EYS: variants seen among roughly 807,000 people sequenced by gnomAD.
EYS encodes protein eyes shut homolog.
Under a neutral mutation model 282.1 loss-of-function variants are expected in EYS, and 250 were observed. The observed-to-expected ratio is 0.89, with a 90% CI of 0.80 to 0.98. The LOEUF is 0.98. Among genes scored for constraint, EYS ranks in the 50% least tolerant of loss-of-function variants. The probability of loss-of-function intolerance (pLI) is 0.00; values close to 1 mark genes in which losing one functional copy is unlikely to be tolerated. For synonymous variants in EYS, 1,355 were observed against 1,282.9 expected, an observed-to-expected ratio of 1.06 and a Z score of -1.20; for missense variants, 4,016 against 3,709.0, an observed-to-expected ratio of 1.08 and a Z score of -2.15.
intron 22 of EYS, among the ~76,000 whole-genome samples, chr6:64,795,873 C>T (rs778896777): frequency 4.6e-5 from 7 of 152,146 alleles, no homozygotes; most frequent in Non-Finnish European, 8.8e-5. Context: ...GTGAGGACCT[C>T]ATCCAGATGT....
At chr6:63,983,381 C>T (rs1283655665) in intron 35 of EYS, among the ~76,000 whole-genome samples, 1 of 151,616 alleles carries the variant, frequency 6.6e-6, no homozygotes, top group Non-Finnish European at 1.5e-5. Context: ...AAATATATCA[C>T]ATTGACTTTA....
chr6:65,673,168 A>G (rs1187398419), intron 1 of EYS, among the ~76,000 whole-genome samples: 1 of 152,046 alleles, frequency 6.6e-6, no homozygotes, highest in Non-Finnish European at 1.5e-5. Context: ...CTTTTATATT[A>G]ATAAGAAAAA....
chr6:64,326,693 G>T (rs1013232270), intron 29 of EYS, among the ~76,000 whole-genome samples: 1 of 152,136 alleles, frequency 6.6e-6, no homozygotes, highest in Non-Finnish European at 1.5e-5. Flanking sequence ...CAGGATGTGG[G>T]AGACTTGGGG....
At chr6:64,994,352 C>A (rs971379674) in intron 14 of EYS, among the ~76,000 whole-genome samples, 1 of 151,922 alleles carries the variant, frequency 6.6e-6, no homozygotes, top group Non-Finnish European at 1.5e-5. Context: ...CATCATGATG[C>A]TGCAATACAA....
intron 35 of EYS, among the ~76,000 whole-genome samples, chr6:63,899,141 T>C (rs1773603753): frequency 6.6e-6 from 1 of 152,208 alleles, no homozygotes; most frequent in Non-Finnish European, 1.5e-5. Context: ...TCTGGAATGA[T>C]TAATTGATAA....
Position 64,109,105 on chromosome 6 carries a change from T to C in EYS, c.6425-27103A>G, listed in dbSNP as rs1773125490. Among the ~76,000 whole-genome samples, 2 of 152,144 alleles carry C rather than the reference T, an allele frequency of 1.3e-5. 1 individual carries two copies. The highest frequency in any genetic ancestry group is 4.8e-5 in the African/African-American group (2 of 41,442). ...TACTGCTATTGCATTCAGTAGAACATTTACATCAGCTGCCTTATGTGTTTG... is the reference window on the plus strand; with the variant it reads ...TACTGCTATTGCATTCAGTAGAACACTTACATCAGCTGCCTTATGTGTTTG... On this transcript the variant is annotated intron_variant, in intron 31 of 42. Coordinates refer to ENST00000503581, the MANE Select transcript of EYS (RefSeq NM_001142800.2).
intron 12 of EYS, among the ~76,000 whole-genome samples, chr6:65,150,621 A>G (rs1371997072): frequency 1.3e-5 from 2 of 151,746 alleles, no homozygotes; most frequent in East Asian, 3.9e-4. Flanking sequence ...ATTTCTCATC[A>G]TGTTTCCTTT....
chr6:64,448,137 A>C (rs1434458808), intron 26 of EYS, among the ~76,000 whole-genome samples: 2 of 152,198 alleles, frequency 1.3e-5, no homozygotes, highest in East Asian at 3.9e-4. Flanking sequence ...TGGCACCTGG[A>C]AAATCGGGTA....
intron 12 of EYS, among the ~76,000 whole-genome samples, chr6:65,283,160 T>TG (rs756565944): frequency 1.3e-5 from 2 of 151,964 alleles, no homozygotes; most frequent in Non-Finnish European, 2.9e-5. Flanking sequence ...TAAAACAATA[T>TG]GACTCAATAT....
intron 29 of EYS, among the ~76,000 whole-genome samples, chr6:64,323,903 G>A (rs375077724): frequency 5.5e-4 from 83 of 152,106 alleles, no homozygotes; most frequent in Non-Finnish European, 1.1e-3. Context: ...CTGGCAAGTT[G>A]ACTTTACATT....
chr6:65,686,796 A>G (rs1466016804), intron 1 of EYS, among the ~76,000 whole-genome samples: 5 of 152,090 alleles, frequency 3.3e-5, no homozygotes, highest in Admixed American at 3.3e-4. Flanking sequence ...AGGTCATTAT[A>G]ACACATGAGG....
intron 2 of EYS, among the ~76,000 whole-genome samples, chr6:65,606,708 AAAAGTT>A (rs1230665645): frequency 1.3e-5 from 2 of 151,996 alleles, no homozygotes; most frequent in Non-Finnish European, 2.9e-5. Flanking sequence ...AATGAAAAGT[AAAAGTT>A]AAAGTTATTG....
chr6:64,913,783 T>A (rs147158764), intron 15 of EYS, among the ~76,000 whole-genome samples: 1 of 152,276 alleles, frequency 6.6e-6, no homozygotes, highest in Admixed American at 6.5e-5. Context: ...ATTAGTGGGA[T>A]TTTTGGGTCA....
intron 8 of EYS, among the ~76,000 whole-genome samples, chr6:65,356,874 A>G (rs1195125944): frequency 6.6e-6 from 1 of 151,996 alleles, no homozygotes; most frequent in Non-Finnish European, 1.5e-5. Context: ...TCTCATTTAT[A>G]CCTTGTGTGT....
chr6:65,287,648 C>A (rs1412920522), intron 12 of EYS, among the ~76,000 whole-genome samples: 1 of 151,286 alleles, frequency 6.6e-6, no homozygotes, highest in South Asian at 2.1e-4. Flanking sequence ...AAAAACGAAA[C>A]AAAACGTGTT....
chr6:65,224,812 A>G (rs995130611), intron 12 of EYS, among the ~76,000 whole-genome samples: 1 of 152,198 alleles, frequency 6.6e-6, no homozygotes, highest in African/African-American at 2.4e-5. Flanking sequence ...TTATATAACC[A>G]AAACAAACTG....
chr6:65,521,490 A>G (rs887359572), intron 2 of EYS, among the ~76,000 whole-genome samples: 5 of 152,170 alleles, frequency 3.3e-5, no homozygotes, highest in African/African-American at 1.2e-4. Context: ...CTTTAATGAA[A>G]TAGTATATGC....
At chr6:64,540,391 T>C (rs1161386528) in intron 26 of EYS, among the ~76,000 whole-genome samples, 1 of 152,036 alleles carries the variant, frequency 6.6e-6, no homozygotes, top group Non-Finnish European at 1.5e-5. Flanking sequence ...GTAAGGTGAT[T>C]ATTTACACAT....
At chr6:65,250,789 T>C (rs1767300614) in intron 12 of EYS, among the ~76,000 whole-genome samples, 1 of 151,696 alleles carries the variant, frequency 6.6e-6, no homozygotes, top group South Asian at 2.1e-4. Context: ...TATATCCTTT[T>C]GCAAGTTAAA....
Sources: gnomAD v4.1 joint callset for allele counts (sites outside exome capture counted in the v4.1 genomes callset) on GRCh38, gnomAD v4.1.1 for gene constraint, MANE v1.5 for transcripts, NCBI Gene and HGNC (gene_info 2026-07-23, HGNC 2026-07-21) for gene names.